DCLRE1C: variants seen among roughly 807,000 people sequenced by gnomAD.
DCLRE1C encodes protein artemis.
Under a neutral mutation model 61.4 loss-of-function variants are expected in DCLRE1C, and 47 were observed. That is an observed-to-expected ratio of 0.77 (90% CI 0.61 to 0.98). The LOEUF (loss-of-function observed/expected upper bound fraction) is 0.98, where lower values mean the gene tolerates loss of function less well. Among genes scored for constraint, DCLRE1C ranks in the 50% least tolerant of loss-of-function variants. The pLI, the probability that DCLRE1C is intolerant of heterozygous loss-of-function variation, is 0.00. For synonymous variants in DCLRE1C, 337 were observed against 287.6 expected (o/e 1.17, Z -1.74); for missense variants, 858 against 816.0 (o/e 1.05, Z -0.63).
downstream of DCLRE1C, chr10:14,901,213 A>C: frequency 6.2e-7 from 1 of 1,614,100 alleles, no homozygotes; most frequent in Non-Finnish European, 8.5e-7. Context: ...TGTTTTCCAC[A>C]AGAACCATAA....
In DCLRE1C at chr10:14,899,313, C is replaced by G. The variant is rs750852396; in HGVS notation, c.1157-1G>C. 6 of 683,328 alleles carry G rather than the reference C, an allele frequency of 8.8e-6. No individual in the cohort carries two copies. The highest frequency in any genetic ancestry group is 5.1e-4 in the Middle Eastern group (2 of 3,902). The allele number at this position is 683,328 out of a possible 1,614,324, so 42.3% of individuals were successfully genotyped here. ...CTAGCCTGAGTGACAGAGTGAGACC[C>G]TGTTTAAAAAAAAAAGGTCATCAGT... On this transcript the variant is annotated splice_acceptor_variant, in intron 13 of 13. Transcript: ENST00000378289. LOFTEE classifies it high-confidence loss of function.
chr10:14,903,930 A>G (rs1834183952), downstream of DCLRE1C: 1 of 152,192 alleles, frequency 6.6e-6, no homozygotes, highest in Admixed American at 6.5e-5. Flanking sequence ...TTATATTGCT[A>G]TGACAACTTC....
At chr10:14,930,279 T>A (rs959597119) in intron 9 of DCLRE1C, among the ~76,000 whole-genome samples, 49 of 56,958 alleles carry the variant, frequency 8.6e-4, no homozygotes, top group Non-Finnish European at 6.5e-4. Context: ...ACTCAGCACC[T>A]TTTTTTTTTT....
At chr10:14,913,882 G>A (rs1470642897) in intron 13 of DCLRE1C, among the ~76,000 whole-genome samples, 1 of 152,140 alleles carries the variant, frequency 6.6e-6, no homozygotes, top group Admixed American at 6.5e-5. Flanking sequence ...GATACTAAGG[G>A]ATGACTGCAT....
chr10:14,936,336 T>C (rs1839910499), intron 5 of DCLRE1C, among the ~76,000 whole-genome samples: 1 of 149,530 alleles, frequency 6.7e-6, no homozygotes, highest in African/African-American at 2.4e-5. Flanking sequence ...CTTTTTTTTT[T>C]TTTTTTTAAA....
At chr10:14,942,806 G>C (rs1841071450) in intron 3 of DCLRE1C, among the ~76,000 whole-genome samples, 1 of 152,096 alleles carries the variant, frequency 6.6e-6, no homozygotes, top group Non-Finnish European at 1.5e-5. Context: ...GTGGGTAGGA[G>C]GGAGGCACTG....
chr10:14,954,253 C>T (rs1359436209), upstream of DCLRE1C: 1 of 619,178 alleles, frequency 1.6e-6, no homozygotes, highest in Non-Finnish European at 2.8e-6. Flanking sequence ...GGGCCCTGAG[C>T]CCTGCCCAGT....
chr10:14,933,628 C>T (rs982110409), intron 8 of DCLRE1C, among the ~76,000 whole-genome samples: 2 of 151,350 alleles, frequency 1.3e-5, no homozygotes, highest in Admixed American at 6.6e-5. Flanking sequence ...CAGAGCAAGA[C>T]AGTCTCAAAA....
intron 2 of DCLRE1C, among the ~76,000 whole-genome samples, chr10:14,947,935 T>G (rs1012206614): frequency 6.6e-6 from 1 of 152,090 alleles, no homozygotes; most frequent in Admixed American, 6.5e-5. Flanking sequence ...GGTGGGTGCC[T>G]GTAATCCCAG....
intron 9 of DCLRE1C, 101 bp from the exon 10 acceptor site, chr10:14,928,253 A>T: frequency 1.1e-6 from 1 of 948,720 alleles, no homozygotes. Flanking sequence ...CCAGACACGA[A>T]AAAATAAAAA....
chr10:14,909,110 AC>A lies in DCLRE1C; in HGVS notation c.1376del (p.Ser459MetfsTer5). Reference sequence around the variant, plus strand: ...AAGCTGGGATTCCTACTTCTTCTTCACTTTCACTGTTGGATTCTTCACAATC... The same window carrying A: ...AAGCTGGGATTCCTACTTCTTCTTCATTTCACTGTTGGATTCTTCACAATC... ...FVDCEESNSE[S>X]EEEVGIPASL... On this transcript the variant is annotated frameshift_variant, in exon 14 of 14. Transcript: ENST00000378278. LOFTEE classifies it low-confidence loss of function (END_TRUNC). 6.2e-7 allele frequency: 1 copy of A among 1,614,184 alleles called. No homozygotes were observed. Among genetic ancestry groups the A allele is most frequent in the Non-Finnish European group, 8.5e-7 (1 of 1,180,044 alleles).
intron 9 of DCLRE1C, among the ~76,000 whole-genome samples, chr10:14,932,614 C>T (rs1429034455): frequency 6.6e-6 from 1 of 151,584 alleles, no homozygotes; most frequent in African/African-American, 2.4e-5. Context: ...CCAGCCTGGG[C>T]GACAGAGTGA....
intron 13 of DCLRE1C, among the ~76,000 whole-genome samples, chr10:14,918,840 C>T (rs553441343): frequency 2.6e-5 from 4 of 152,256 alleles, no homozygotes; most frequent in East Asian, 3.9e-4. Context: ...AAATTAGATT[C>T]TCCATGAGCA....
downstream of DCLRE1C, chr10:14,902,824 C>T (rs573558597): frequency 4.2e-5 from 7 of 167,378 alleles, no homozygotes; most frequent in South Asian, 5.5e-4. Context: ...TGTTTGAAAG[C>T]GTTAAGCTGA....
chr10:14,940,437 C>T (rs1325881568), intron 3 of DCLRE1C, among the ~76,000 whole-genome samples: 3 of 151,942 alleles, frequency 2.0e-5, no homozygotes, highest in African/African-American at 4.8e-5. Flanking sequence ...GACAGGCGCC[C>T]GCTACTACGC....
intron 1 of DCLRE1C, among the ~76,000 whole-genome samples, chr10:14,952,521 G>C (rs1450576227): frequency 6.6e-6 from 1 of 152,140 alleles, no homozygotes; most frequent in African/African-American, 2.4e-5. Context: ...CCAGGAGGCG[G>C]AGGTTGCAGT....
At chr10:14,927,314 G>A (rs1161590503) in intron 10 of DCLRE1C, among the ~76,000 whole-genome samples, 3 of 151,440 alleles carry the variant, frequency 2.0e-5, no homozygotes, top group African/African-American at 4.9e-5. Context: ...TGAACCGGGA[G>A]GCAGAGGCTG....
At chr10:14,941,221 G>T (rs188299921) in intron 3 of DCLRE1C, among the ~76,000 whole-genome samples, 58 of 152,280 alleles carry the variant, frequency 3.8e-4, no homozygotes, top group Non-Finnish European at 6.9e-4. Flanking sequence ...TTCCCTTCAA[G>T]GACAAATTTA....
At chr10:14,920,303 G>C (rs1362528677) in intron 12 of DCLRE1C, 20 of 797,102 alleles carry the variant, frequency 2.5e-5, no homozygotes, top group Non-Finnish European at 3.1e-5. Context: ...GTCATTCTAG[G>C]TCCTTAGGCT....
Sources: allele counts gnomAD v4.1 joint callset (sites outside exome capture counted in the v4.1 genomes callset), GRCh38; gene constraint gnomAD v4.1.1; transcripts MANE v1.5; gene names NCBI Gene and HGNC (gene_info 2026-07-23, HGNC 2026-07-21).